Variants in SPMIP7 observed in about 807,000 individuals in gnomAD.
SPMIP7 encodes the protein protein SPMIP7.
chr7:50,149,446 TCCTCTTCATGCTGCAGTTGA>T, the SPMIP7 span, among the ~76,000 whole-genome samples: 1 of 152,236 alleles, frequency 6.6e-6, no homozygotes, highest in Non-Finnish European at 1.5e-5. Context: ...GTTAGTGTTG[TCCTCTTCATGCTGCAGTTGA>T]CCGAGCTGAA....
At chr7:50,100,567 C>A in the SPMIP7 span, among the ~76,000 whole-genome samples, 8 of 152,222 alleles carry the variant, frequency 5.3e-5, no homozygotes, top group South Asian at 8.3e-4. Flanking sequence ...AATCCCAGCA[C>A]TTTGGGAAGC....
the SPMIP7 span, among the ~76,000 whole-genome samples, chr7:50,106,597 C>A: frequency 0.78 from 118,320 of 152,130 alleles, 46,122 homozygotes; most frequent in East Asian, 0.88. Context: ...TTTCATTAAA[C>A]ACTTTTAAAG....
At chr7:50,146,082 A>G in the SPMIP7 span, among the ~76,000 whole-genome samples, 1 of 152,174 alleles carries the variant, frequency 6.6e-6, no homozygotes, top group African/African-American at 2.4e-5. Context: ...AAATTTTACC[A>G]CAACCCAGGT....
the SPMIP7 span, among the ~76,000 whole-genome samples, chr7:50,135,078 C>T: frequency 0.024 from 3,685 of 152,244 alleles, 120 homozygotes; most frequent in South Asian, 0.11. Flanking sequence ...CTCCCATGCT[C>T]GTTTCCAGGT....
the SPMIP7 span, among the ~76,000 whole-genome samples, chr7:50,120,590 G>C: frequency 6.6e-6 from 1 of 152,102 alleles, no homozygotes; most frequent in Non-Finnish European, 1.5e-5. Context: ...TGCAATTCCT[G>C]TAAACACTGC....
chr7:50,118,845 A>G, the SPMIP7 span, among the ~76,000 whole-genome samples: 1 of 152,180 alleles, frequency 6.6e-6, no homozygotes, highest in Non-Finnish European at 1.5e-5. Context: ...CTCGGCTTTA[A>G]TGGTAATCAA....
At chr7:50,099,405 G>A in the SPMIP7 span, among the ~76,000 whole-genome samples, 17 of 152,122 alleles carry the variant, frequency 1.1e-4, no homozygotes, top group Admixed American at 3.9e-4. Context: ...ATTAGGATTG[G>A]TTTCTGAAAA....
At chr7:50,150,820 C>T in the SPMIP7 span, among the ~76,000 whole-genome samples, 2 of 152,308 alleles carry the variant, frequency 1.3e-5, no homozygotes, top group East Asian at 3.9e-4. Context: ...TTCCTTTTAT[C>T]TCCCACTGTC....
the SPMIP7 span, among the ~76,000 whole-genome samples, chr7:50,139,725 A>C: frequency 6.6e-6 from 1 of 152,204 alleles, no homozygotes; most frequent in Non-Finnish European, 1.5e-5. Flanking sequence ...AGCTCACACA[A>C]AGACCTATAT....
chr7:50,141,559 G>T, the SPMIP7 span: 7 of 560,640 alleles, frequency 1.2e-5, no homozygotes, highest in African/African-American at 1.1e-4. Flanking sequence ...AGATTTTGGG[G>T]ATTGACTCAC....
At chr7:50,124,484 T>C in the SPMIP7 span, among the ~76,000 whole-genome samples, 1 of 152,132 alleles carries the variant, frequency 6.6e-6, no homozygotes, top group Non-Finnish European at 1.5e-5. Context: ...TGTGGGGACA[T>C]AAAACAAGTC....
At chr7:50,158,449 C>G in the SPMIP7 span, among the ~76,000 whole-genome samples, 13 of 150,470 alleles carry the variant, frequency 8.6e-5, no homozygotes, top group African/African-American at 3.2e-4. Context: ...GGCCCGGGCC[C>G]CTCCCACCGA....
the SPMIP7 span, among the ~76,000 whole-genome samples, chr7:50,138,058 G>A: frequency 6.6e-6 from 1 of 152,092 alleles, no homozygotes; most frequent in Non-Finnish European, 1.5e-5. Flanking sequence ...AGATTTTAAT[G>A]AGTGTTTCTC....
chr7:50,146,016 C>T, the SPMIP7 span, among the ~76,000 whole-genome samples: 1 of 152,254 alleles, frequency 6.6e-6, no homozygotes, highest in East Asian at 1.9e-4. Context: ...TGGCACATGT[C>T]TCCCATGGAA....
chr7:50,100,400 C>T, the SPMIP7 span, among the ~76,000 whole-genome samples: 2 of 152,352 alleles, frequency 1.3e-5, no homozygotes, highest in South Asian at 4.1e-4. Context: ...GTATTTCTCA[C>T]AAAGGTAACT....
the SPMIP7 span, among the ~76,000 whole-genome samples, chr7:50,107,542 A>G: frequency 6.6e-6 from 1 of 152,106 alleles, no homozygotes. Context: ...TGGTAGATAA[A>G]TCAGAAGAAA....
At chr7:50,115,577 C>T in the SPMIP7 span, among the ~76,000 whole-genome samples, 1 of 151,826 alleles carries the variant, frequency 6.6e-6, no homozygotes, top group Non-Finnish European at 1.5e-5. Flanking sequence ...CGGATTGCAA[C>T]AAAATTAAAC....
the SPMIP7 span, among the ~76,000 whole-genome samples, chr7:50,119,152 C>T: frequency 6.6e-6 from 1 of 152,060 alleles, no homozygotes; most frequent in African/African-American, 2.4e-5. Context: ...TTGGAAGAGA[C>T]CATACCAAGT....
chr7:50,156,383 A>T, the SPMIP7 span, among the ~76,000 whole-genome samples: 1 of 151,978 alleles, frequency 6.6e-6, no homozygotes, highest in South Asian at 2.1e-4. Context: ...TATTTCTAAG[A>T]AGTCATCTTC....
Sources: allele counts gnomAD v4.1 joint callset (sites outside exome capture counted in the v4.1 genomes callset), GRCh38; gene constraint gnomAD v4.1.1; transcripts MANE v1.5; gene names NCBI Gene and HGNC (gene_info 2026-07-23, HGNC 2026-07-21).